FAM53B: variants seen among roughly 807,000 people sequenced by gnomAD.
FAM53B encodes protein FAM53B.
In FAM53B, 12 loss-of-function variants were observed where a neutral mutation model predicts 32.7. The ratio of observed to expected loss-of-function variants is 0.37; its 90% confidence interval spans 0.24 to 0.59. The LOEUF is 0.59. FAM53B is among the 20% of genes least tolerant of loss of function. The pLI is 0.72. For synonymous variants in FAM53B, 234 were observed against 228.7 expected (o/e 1.02, Z -0.21); for missense variants, 477 against 577.7 (o/e 0.83, Z 1.79).
At chr10:124,677,471 T>C (rs1949743731) in intron 4 of FAM53B, among the ~76,000 whole-genome samples, 1 of 152,266 alleles carries the variant, frequency 6.6e-6, no homozygotes, top group South Asian at 2.1e-4. Context: ...TAGCCAGTCC[T>C]CTGAGCTGCC....
intron 4 of FAM53B, among the ~76,000 whole-genome samples, chr10:124,659,693 T>C (rs577830045): frequency 6.6e-6 from 1 of 152,324 alleles, no homozygotes; most frequent in Non-Finnish European, 1.5e-5. Context: ...CGGGCCAAGC[T>C]CCATTACCAC....
intron 1 of FAM53B, among the ~76,000 whole-genome samples, chr10:124,732,535 G>T (rs892201997): frequency 1.5e-4 from 23 of 152,172 alleles, no homozygotes; most frequent in African/African-American, 5.6e-4. Flanking sequence ...AACATATAAG[G>T]ACTCACCTGA....
At chr10:124,673,428 C>G (rs1949719153) in intron 4 of FAM53B, among the ~76,000 whole-genome samples, 1 of 152,214 alleles carries the variant, frequency 6.6e-6, no homozygotes, top group South Asian at 2.1e-4. Context: ...ACGTTCAACC[C>G]TATATACTAG....
Position 124,682,768 on chromosome 10 carries a change from G to A in FAM53B, c.134-389C>T, listed in dbSNP as rs1937861386. 6.6e-6 allele frequency among the ~76,000 whole-genome samples: 1 copy of A among 152,224 alleles called. No individual in the cohort carries two copies. Among genetic ancestry groups the A allele is most frequent in the South Asian group, 2.1e-4 (1 of 4,834 alleles). Reference sequence around the variant, plus strand: ...CTGCCCCTGGCTGATGAGAGAGTCGGGACAAGACATCTGTTAAGTGCCACC... The same window carrying A: ...CTGCCCCTGGCTGATGAGAGAGTCGAGACAAGACATCTGTTAAGTGCCACC... On this transcript the variant is annotated intron_variant, in intron 3 of 4. Transcript: ENST00000337318. This position sits in a 1 kb window ranked among gnomAD's most constrained non-coding sequence, Gnocchi z 5.2.
At chr10:124,731,228 C>G (rs1564890327) in intron 1 of FAM53B, among the ~76,000 whole-genome samples, 9 of 152,212 alleles carry the variant, frequency 5.9e-5, no homozygotes. Context: ...TCAAAAAGTA[C>G]TTGTTGGGTG....
In FAM53B at chr10:124,659,230, CCTG is replaced by C. The variant is rs1949613968; in HGVS notation, c.906+22374_906+22376del. Reference sequence around the variant, plus strand: ...CGTGACTCCCTCCACCTCTAGCCTTCCTGCTTTCAGCCATGATAGGCCTAAAGT... The same window carrying C: ...CGTGACTCCCTCCACCTCTAGCCTTCCTTTCAGCCATGATAGGCCTAAAGT... On this transcript the variant is annotated intron_variant, in intron 4 of 4. Transcript: ENST00000337318. Among the ~76,000 whole-genome samples, 2 of 152,228 alleles carry C rather than the reference CCTG, an allele frequency of 1.3e-5. 1 individual carries two copies. Among genetic ancestry groups the C allele is most frequent in the South Asian group, 4.1e-4 (2 of 4,830 alleles).
chr10:124,694,276 C>T (rs1949853850), intron 3 of FAM53B, among the ~76,000 whole-genome samples: 1 of 152,258 alleles, frequency 6.6e-6, no homozygotes, highest in African/African-American at 2.4e-5. Context: ...AGTCTGCAGA[C>T]ACAGCGTAGT....
At chr10:124,686,042 A>G (rs1658386090) in intron 3 of FAM53B, among the ~76,000 whole-genome samples, 1 of 152,202 alleles carries the variant, frequency 6.6e-6, no homozygotes, top group Non-Finnish European at 1.5e-5. Flanking sequence ...GGAGGTCAGA[A>G]AAGAATCATA....
rs775604180 is a variant in FAM53B, at chr10:124,623,345, C to G, written c.1166G>C (p.Arg389Thr). 8.1e-6 allele frequency: 13 copies of G among 1,612,702 alleles called. No homozygotes were observed. Among genetic ancestry groups the G allele is most frequent in the Non-Finnish European group, 8.5e-6 (10 of 1,179,830 alleles). The change falls in exon 5 of 5, where the codon AGG becomes ACG. Residue 389 changes from arginine to threonine, a missense_variant. Arg to Thr is a moderately conservative substitution (Grantham distance 71). This residue lies in a region of FAM53B where 165 missense variants were observed against 157.5 expected (regional missense o/e 1.05). Transcript: ENST00000337318. ...CCAGGCTGCAGCCGGCTCCGCTCTC[C>G]TGCCACAATCCTCGTCCAGGGCGCA... ...DSCALDEDCG[R>T]RAEPAAAWRD...
At position 124,728,882 on chromosome 10, in the gene FAM53B, T is replaced by C. The variant is rs78240487; in HGVS notation, c.-175+15131A>G. ...CTTTGAAACAGCAACATGTGCACAA[T>C]TGGGGACAAAACTAGGTGGTGAGGA... On this transcript the variant is annotated intron_variant, in intron 1 of 4. Coordinates refer to ENST00000337318, the MANE Select transcript of FAM53B (RefSeq NM_014661.4). Among the ~76,000 whole-genome samples the C allele has an allele frequency of 3.3e-3, 500 of 152,260 alleles. 7 individuals carry two copies. The highest frequency in any genetic ancestry group is 0.011 in the African/African-American group (466 of 41,558).
intron 1 of FAM53B, among the ~76,000 whole-genome samples, chr10:124,734,917 G>A (rs187891325): frequency 6.6e-6 from 1 of 152,310 alleles, no homozygotes; most frequent in Non-Finnish European, 1.5e-5. Context: ...CCTTCCCTCT[G>A]TCCTCCAAGC....
At chr10:124,708,679 T>C (rs982234622) in intron 1 of FAM53B, among the ~76,000 whole-genome samples, 18 of 152,244 alleles carry the variant, frequency 1.2e-4, no homozygotes, top group Admixed American at 9.2e-4. Context: ...AAAGGGGCCT[T>C]TTGTGCCTCC....
chr10:124,717,671 G>A (rs780917113), intron 1 of FAM53B, among the ~76,000 whole-genome samples: 2 of 152,182 alleles, frequency 1.3e-5, no homozygotes, highest in Non-Finnish European at 2.9e-5. Flanking sequence ...ATATCCATGG[G>A]GTGAGGATGG....
At position 124,619,731 on chromosome 10, in the gene FAM53B, T is replaced by C. The variant is rs1304826256; in HGVS notation, c.*3511A>G. ...AGGGGTTTGACCAACAGCGTGGACA[T>C]GGCAAGGTGTGGCATCATTGCCAGT... On this transcript the variant is annotated 3_prime_UTR_variant, in exon 5 of 5. Transcript: ENST00000337318. 1 of 152,670 alleles carries C rather than the reference T, an allele frequency of 6.6e-6. No homozygotes were observed. Among genetic ancestry groups the C allele is most frequent in the Non-Finnish European group, 1.5e-5 (1 of 68,062 alleles). The allele number at this position is 152,670 out of a possible 1,614,324, so 9.5% of individuals were successfully genotyped here.
At chr10:124,688,283 G>A (rs1400731539) in intron 3 of FAM53B, among the ~76,000 whole-genome samples, 3 of 152,198 alleles carry the variant, frequency 2.0e-5, no homozygotes, top group Admixed American at 6.5e-5. Flanking sequence ...TGAGCAGAGC[G>A]CGATGGCCCA....
Position 124,689,997 on chromosome 10 carries a change from C to A in FAM53B, c.133+6161G>T, listed in dbSNP as rs188116871. Among the ~76,000 whole-genome samples, 55 of 152,320 alleles carry A rather than the reference C, an allele frequency of 3.6e-4. No individual in the cohort carries two copies. The East Asian group carries it at 0.01, about 28-fold the overall frequency. ...ACTGGCAACAAGAACTCTGAAGGGACAACAAGGTCAGTTTGGTCCATCTCC... is the reference window on the plus strand; with the variant it reads ...ACTGGCAACAAGAACTCTGAAGGGAAAACAAGGTCAGTTTGGTCCATCTCC... On this transcript the variant is annotated intron_variant, in intron 3 of 4. Transcript: ENST00000337318.
At chr10:124,685,033 T>C (rs1448160157) in intron 3 of FAM53B, among the ~76,000 whole-genome samples, 2 of 152,208 alleles carry the variant, frequency 1.3e-5, no homozygotes, top group African/African-American at 4.8e-5. Context: ...AGGAATAACA[T>C]GGAGCATGAA....
chr10:124,644,638 G>A (rs966687741), intron 4 of FAM53B, among the ~76,000 whole-genome samples: 2 of 152,238 alleles, frequency 1.3e-5, no homozygotes, highest in Non-Finnish European at 2.9e-5. Context: ...TTGCCACTGA[G>A]GGAGGCCTGA....
In FAM53B at chr10:124,620,689, G is replaced by A. The variant is rs1474733113; in HGVS notation, c.*2553C>T. On this transcript the variant is annotated 3_prime_UTR_variant, in exon 5 of 5. Coordinates refer to ENST00000337318, the MANE Select transcript of FAM53B (RefSeq NM_014661.4). ...GCAGGAACAGGCTGCTCCGGGCAGT[G>A]TGGCAGCTTGGATGATGGGGTGGCA... The A allele has an allele frequency of 6.6e-6, 1 of 152,488 alleles. No homozygotes were observed. The highest frequency in any genetic ancestry group is 6.5e-5 in the Admixed American group (1 of 15,278). The allele number at this position is 152,488 out of a possible 1,614,324, so 9.4% of individuals were successfully genotyped here.
Sources: gnomAD v4.1 joint callset for allele counts (sites outside exome capture counted in the v4.1 genomes callset) on GRCh38, gnomAD v4.1.1 for gene constraint, gnomAD v4.1.1 regional missense constraint, Gnocchi (gnomAD v3.1) non-coding constraint, MANE v1.5 for transcripts, NCBI Gene and HGNC (gene_info 2026-07-23, HGNC 2026-07-21) for gene names.